ADGRG6: variants seen among roughly 807,000 people sequenced by gnomAD.
ADGRG6 encodes the protein G-protein coupled receptor 126.
A neutral mutation model predicts 142.4 loss-of-function variants in ADGRG6; 84 were observed. The ratio of observed to expected loss-of-function variants is 0.59; its 90% CI spans 0.49 to 0.71. The LOEUF (loss-of-function observed/expected upper bound fraction) is 0.71, where lower values mean the gene tolerates loss of function less well. Among genes scored for constraint, ADGRG6 ranks in the 30% least tolerant of loss-of-function variants. The pLI is 0.00. For missense variants in ADGRG6, 1,367 were observed against 1,466.6 expected, an observed-to-expected ratio of 0.93 and a Z score of 1.11; for synonymous variants, 521 against 520.5, an observed-to-expected ratio of 1.00 and a Z score of -0.01.
chr6:142,431,795 C>A (rs934549554), intron 22 of ADGRG6, among the ~76,000 whole-genome samples: 1 of 152,062 alleles, frequency 6.6e-6, no homozygotes. Flanking sequence ...TGGTGGCATG[C>A]GCCTGTAATC....
chr6:142,311,379 G>A (rs897504080), intron 2 of ADGRG6, among the ~76,000 whole-genome samples: 5 of 151,686 alleles, frequency 3.3e-5, no homozygotes, highest in Admixed American at 1.3e-4. Flanking sequence ...CTCTAATAAT[G>A]ACTCATTTAA....
At chr6:142,420,308 G>A (rs1447416709) in intron 22 of ADGRG6, among the ~76,000 whole-genome samples, 1 of 152,060 alleles carries the variant, frequency 6.6e-6, no homozygotes, top group Non-Finnish European at 1.5e-5. Flanking sequence ...TTTTATCAGT[G>A]GTATATGCCA....
Position 142,403,853 on chromosome 6 carries a change from A to G in ADGRG6, c.2007A>G (p.Thr669=). The G allele has an allele frequency of 6.2e-7, 1 of 1,609,750 alleles. No homozygotes were observed. Among genetic ancestry groups the G allele is most frequent in the Non-Finnish European group, 8.5e-7 (1 of 1,177,166 alleles). Residue 669 remains threonine, a synonymous_variant, in exon 14 of 25, where the codon ACA becomes ACG. Transcript: ENST00000367609. The part of the protein sequence containing the change: ...ELAFKIDLNS[T]SHVNITTRNL... ...CCTTCAAGATAGACCTAAATAGCACATCACATGTGAATATTACAACTCGGA... is the reference window on the plus strand; with the variant it reads ...CCTTCAAGATAGACCTAAATAGCACGTCACATGTGAATATTACAACTCGGA...
chr6:142,387,610 G>A (rs112829032), intron 6 of ADGRG6, among the ~76,000 whole-genome samples: 1,683 of 152,202 alleles, frequency 0.011, 36 homozygotes, highest in African/African-American at 0.038. Flanking sequence ...ATATTTTAAC[G>A]TCTATTTTTT....
In ADGRG6 at chr6:142,350,520, A is replaced by G. The variant is rs150005372; in HGVS notation, c.104-17049A>G. ...GGTACATGATGCACCTGTGTGAGGA[A>G]GTTTATAGTACTCTGCTATGGCTTC... On this transcript the variant is annotated intron_variant, in intron 2 of 24. Transcript: ENST00000367609. 2.6e-3 allele frequency among the ~76,000 whole-genome samples: 396 copies of G among 152,364 alleles called. 3 individuals are homozygous for G. The highest frequency in any genetic ancestry group is 8.6e-3 in the African/African-American group (358 of 41,584).
At chr6:142,431,399 G>T (rs2294768) in intron 22 of ADGRG6, among the ~76,000 whole-genome samples, 12,422 of 152,128 alleles carry the variant, frequency 0.082, 612 homozygotes, top group East Asian at 0.25. Flanking sequence ...ATACATGAAG[G>T]TTTCTTGAAA....
chr6:142,331,046 A>G (rs1779031605), intron 2 of ADGRG6, among the ~76,000 whole-genome samples: 1 of 151,976 alleles, frequency 6.6e-6, no homozygotes, highest in African/African-American at 2.4e-5. Flanking sequence ...ACTGGGGCCC[A>G]GGGAAGCCAA....
Position 142,443,935 on chromosome 6 carries a change from G to A in ADGRG6, c.*420G>A, listed in dbSNP as rs1375340556. 1 of 153,092 alleles carries A rather than the reference G, an allele frequency of 6.5e-6. No individual in the cohort carries two copies. The highest frequency in any genetic ancestry group is 1.5e-5 in the Non-Finnish European group (1 of 68,738). The allele number at this position is 153,092 out of a possible 1,614,324, so 9.5% of individuals were successfully genotyped here. ...ATCTTCTTTCTCAACAATAAAAAAT[G>A]TAACTATTTTGAATGCCCACAAATC... On this transcript the variant is annotated 3_prime_UTR_variant, in exon 25 of 25. Coordinates refer to ENST00000367609, the MANE Select transcript of ADGRG6 (RefSeq NM_198569.3).
chr6:142,309,940 C>T (rs911742040), intron 2 of ADGRG6, among the ~76,000 whole-genome samples: 11 of 151,672 alleles, frequency 7.3e-5, no homozygotes, highest in Non-Finnish European at 1.3e-4. Flanking sequence ...CTACATAAAT[C>T]GCATTTAAAA....
At position 142,419,840 on chromosome 6, in the gene ADGRG6, G is replaced by A. The variant is rs756074536; in HGVS notation, c.3055G>A (p.Val1019Ile). Residue 1019 changes from valine to isoleucine, a missense_variant, in exon 22 of 25, where the codon GTC becomes ATC. By Grantham distance (29) the Val-to-Ile change is conservative. Around this residue, in one of 3 missense-constraint regions of ADGRG6, gnomAD observed 344 missense variants for 348.7 expected, o/e 0.99. Transcript: ENST00000367609. ...TTTAAGCTGTTGGATTCAAGATCCA[G>A]TCATATTTTATGTGACCTGTGCTGG... ...GDEFCWIQDP[V>I]IFYVTCAGYF... 2 of 1,608,888 alleles carry A rather than the reference G, an allele frequency of 1.2e-6. No individual in the cohort carries two copies. Among genetic ancestry groups the A allele is most frequent in the Non-Finnish European group, 1.7e-6 (2 of 1,177,130 alleles).
intron 8 of ADGRG6, among the ~76,000 whole-genome samples, chr6:142,393,437 T>C (rs1021470857): frequency 6.6e-6 from 1 of 152,108 alleles, no homozygotes; most frequent in African/African-American, 2.4e-5. Flanking sequence ...TCCTTCACTG[T>C]ATTTATATTT....
intron 22 of ADGRG6, among the ~76,000 whole-genome samples, chr6:142,436,494 G>T (rs1663255838): frequency 6.6e-6 from 1 of 152,126 alleles, no homozygotes; most frequent in Admixed American, 6.6e-5. Flanking sequence ...CTTGGACTGG[G>T]TGGAGAAGAT....
At chr6:142,428,452 A>G (rs1328922177) in intron 22 of ADGRG6, among the ~76,000 whole-genome samples, 2 of 152,164 alleles carry the variant, frequency 1.3e-5, no homozygotes, top group Admixed American at 6.5e-5. Flanking sequence ...TATCCACAGG[A>G]TAATGCTTTG....
chr6:142,318,187 T>TTATATATTTATATTA (rs370794919), intron 2 of ADGRG6, among the ~76,000 whole-genome samples: 4,361 of 32,262 alleles, frequency 0.14, 863 homozygotes, highest in African/African-American at 0.39. Context: ...ATATTATATA[T>TTATATATTTATATTA]TATATATTTA....
In ADGRG6 at chr6:142,302,420, G is replaced by A. The variant is rs952582031; in HGVS notation, c.2+89G>A. 22 of 1,385,072 alleles carry A rather than the reference G, an allele frequency of 1.6e-5. No homozygotes were observed. The African/African-American group carries it at 2.9e-4, about 18-fold the overall frequency. The allele number at this position is 1,385,072 out of a possible 1,614,324, so 85.8% of individuals were successfully genotyped here. The stretch of plus-strand genomic sequence containing the variant: ...CCCTCCCCGACCACCCCACCCTCAA[G>A]AGAAATGATTTTATAAGGACTTCAA... On this transcript the variant is annotated intron_variant, in intron 1 of 24. Coordinates refer to ENST00000367609, the MANE Select transcript of ADGRG6 (RefSeq NM_198569.3).
intron 2 of ADGRG6, among the ~76,000 whole-genome samples, chr6:142,327,924 A>AT (rs758736992): frequency 4.6e-5 from 7 of 151,400 alleles, no homozygotes; most frequent in South Asian, 4.2e-4. Context: ...TTGGTGTGTA[A>AT]TTTTTTTTTC....
intron 5 of ADGRG6, among the ~76,000 whole-genome samples, chr6:142,383,330 G>A (rs1013524027): frequency 6.6e-6 from 1 of 152,124 alleles, no homozygotes; most frequent in African/African-American, 2.4e-5. Flanking sequence ...TCTAGTCTCA[G>A]TGTATTAGGC....
At position 142,416,021 on chromosome 6, in the gene ADGRG6, T is replaced by C; in HGVS notation, c.2895T>C (p.Thr965=). 6.2e-7 allele frequency: 1 copy of C among 1,612,108 alleles called. No homozygotes were observed. Among genetic ancestry groups the C allele is most frequent in the Non-Finnish European group, 8.5e-7 (1 of 1,178,390 alleles). ...MYIALVKVFN[T]YIRRYILKFC... ...TTGCTCTAGTTAAAGTATTTAACAC[T>C]TACATTCGCCGATACATTCTAAAAT... The change falls in exon 20 of 25, where the codon ACT becomes ACC. Residue 965 remains threonine (T), a synonymous_variant. Transcript: ENST00000367609.
chr6:142,318,359 TA>T (rs373958428), intron 2 of ADGRG6, among the ~76,000 whole-genome samples: 4,028 of 89,546 alleles, frequency 0.045, 448 homozygotes, highest in African/African-American at 0.19. Flanking sequence ...ATATATTATA[TA>T]ATATTTATAT....
Sources: allele counts gnomAD v4.1 joint callset (sites outside exome capture counted in the v4.1 genomes callset), GRCh38; gene constraint gnomAD v4.1.1; regional missense constraint gnomAD v4.1.1; transcripts MANE v1.5; gene names NCBI Gene and HGNC (gene_info 2026-07-23, HGNC 2026-07-21).